Variants in RBM27 observed in about 807,000 individuals in gnomAD.
The protein encoded by RBM27 is RNA binding motif protein 27, also known as RNA-binding protein 27.
In RBM27, 22 loss-of-function variants were observed where a neutral mutation model predicts 135.3. That is an observed-to-expected ratio of 0.16 (90% CI 0.12 to 0.23). The LOEUF (loss-of-function observed/expected upper bound fraction) is 0.23. Ranked by LOEUF, RBM27 falls within the 10% of genes least tolerant of loss-of-function variation. The pLI, the probability that RBM27 is intolerant of heterozygous loss-of-function variation, is 1.00. For synonymous variants in RBM27, 481 were observed against 442.4 expected (o/e 1.09, Z -1.10); for missense variants, 1,009 against 1,281.0 (o/e 0.79, Z 3.24).
chr5:146,205,364 A>C (rs1035210753), intron 1 of RBM27, among the ~76,000 whole-genome samples: 2 of 150,520 alleles, frequency 1.3e-5, no homozygotes, highest in Non-Finnish European at 2.9e-5. Flanking sequence ...AAAGGGGTAG[A>C]AGAAGAGATG....
chr5:146,268,095 CATT>C (rs1758696531), intron 15 of RBM27, among the ~76,000 whole-genome samples: 1 of 151,830 alleles, frequency 6.6e-6, no homozygotes, highest in Non-Finnish European at 1.5e-5. Flanking sequence ...TTCTGAGTTT[CATT>C]GTCATCCTGT....
chr5:146,265,713 C>G (rs1246850867), intron 14 of RBM27, among the ~76,000 whole-genome samples: 1 of 152,150 alleles, frequency 6.6e-6, no homozygotes, highest in African/African-American at 2.4e-5. Flanking sequence ...AAAGAAAGCT[C>G]TTTCTAATCA....
chr5:146,286,530 AT>A lies in RBM27; in HGVS notation c.*515del, dbSNP rs1234594213. Reference sequence around the variant, plus strand: ...GAAAAATATGTTTATTTTAATTTTAATTTTTTTTTTTTTTTACTTTGGAGGA... The same window carrying A: ...GAAAAATATGTTTATTTTAATTTTAATTTTTTTTTTTTTTACTTTGGAGGA... On this transcript the variant is annotated 3_prime_UTR_variant, in exon 21 of 21. Coordinates refer to ENST00000265271, the MANE Select transcript of RBM27 (RefSeq NM_018989.2). The A allele has an allele frequency of 2.7e-3, 389 of 143,626 alleles. No homozygotes were observed. Among genetic ancestry groups the A allele is most frequent in the Non-Finnish European group, 2.8e-3 (185 of 64,968 alleles). 8.9% of individuals were successfully genotyped at this position (143,626 alleles called of 1,614,324 possible).
intron 15 of RBM27, among the ~76,000 whole-genome samples, chr5:146,268,123 G>T (rs1289650937): frequency 5.3e-5 from 8 of 151,714 alleles, no homozygotes; most frequent in Non-Finnish European, 1.5e-5. Context: ...TTCACATAGG[G>T]TTTTCCAAAT....
At chr5:146,268,936 G>C (rs1285214551) in intron 15 of RBM27, among the ~76,000 whole-genome samples, 1 of 152,156 alleles carries the variant, frequency 6.6e-6, no homozygotes, top group East Asian at 1.9e-4. Flanking sequence ...AAACAACTTT[G>C]GTTTTTCTTC....
At chr5:146,207,635 T>C (rs1016890222) in intron 1 of RBM27, among the ~76,000 whole-genome samples, 2 of 151,662 alleles carry the variant, frequency 1.3e-5, no homozygotes, top group African/African-American at 4.8e-5. Flanking sequence ...TAGTGAAACA[T>C]ATGCATGTAA....
chr5:146,224,318 T>A (rs1181920417), intron 3 of RBM27, among the ~76,000 whole-genome samples: 1 of 152,234 alleles, frequency 6.6e-6, no homozygotes, highest in African/African-American at 2.4e-5. Flanking sequence ...TATTTCCCAG[T>A]ATTTATTTTT....
At chr5:146,213,731 T>C (rs2126691349) in intron 1 of RBM27, among the ~76,000 whole-genome samples, 1 of 152,302 alleles carries the variant, frequency 6.6e-6, no homozygotes, top group Admixed American at 6.5e-5. Flanking sequence ...ATGTACTGGC[T>C]CAGCAGTTGT....
intron 6 of RBM27, among the ~76,000 whole-genome samples, chr5:146,232,966 C>T (rs1349680104): frequency 6.6e-6 from 1 of 152,148 alleles, no homozygotes; most frequent in Non-Finnish European, 1.5e-5. Flanking sequence ...TACAGTGCTA[C>T]AAGTGATAAC....
chr5:146,205,151 G>A (rs577741463), intron 1 of RBM27, among the ~76,000 whole-genome samples: 1 of 152,362 alleles, frequency 6.6e-6, no homozygotes, highest in South Asian at 2.1e-4. Flanking sequence ...GCTCGCCTTG[G>A]CCTCCCAAAG....
chr5:146,264,337 C>G (rs1001209888), intron 14 of RBM27, among the ~76,000 whole-genome samples: 2 of 151,940 alleles, frequency 1.3e-5, no homozygotes, highest in Non-Finnish European at 2.9e-5. Context: ...GCATGCGCCA[C>G]CATGCCCAGC....
intron 15 of RBM27, among the ~76,000 whole-genome samples, chr5:146,268,043 A>G (rs1758693148): frequency 6.6e-6 from 1 of 152,094 alleles, no homozygotes; most frequent in Admixed American, 6.6e-5. Context: ...AATGATTCAT[A>G]TAAAATATAA....
At chr5:146,208,402 A>G (rs1755796539) in intron 1 of RBM27, among the ~76,000 whole-genome samples, 1 of 152,228 alleles carries the variant, frequency 6.6e-6, no homozygotes, top group South Asian at 2.1e-4. Flanking sequence ...TAGAGGAAGG[A>G]CAGGAGGGAG....
At position 146,287,316 on chromosome 5, in the gene RBM27, G is replaced by T. The variant is rs1233778814; in HGVS notation, c.*1286G>T. On this transcript the variant is annotated 3_prime_UTR_variant, in exon 21 of 21. Transcript: ENST00000265271. ...TTTTTACTGTACACTGTATAGAGTA[G>T]AGTATCTGTTAAGTAAAATATATAT... 6.6e-6 allele frequency: 1 copy of T among 152,094 alleles called. No homozygotes were observed. The highest frequency in any genetic ancestry group is 2.4e-5 in the African/African-American group (1 of 41,384). The allele number at this position is 152,094 out of a possible 1,614,324, so 9.4% of individuals were successfully genotyped here. A position where few individuals can be genotyped will look rare whatever the true frequency, so the allele number is the denominator to read the frequency against.
Position 146,237,372 on chromosome 5 carries a change from T to G in RBM27, c.1219T>G (p.Ser407Ala). The G allele has an allele frequency of 6.2e-7, 1 of 1,613,988 alleles. No homozygotes were observed. Among genetic ancestry groups the G allele is most frequent in the Non-Finnish European group, 8.5e-7 (1 of 1,179,860 alleles). ...PGTSAVPNLA[S>A]VGTRLPPPLP... ...GACAAGTGCAGTGCCCAATCTTGCA[T>G]CAGTGGGAACAAGACTACCTCCTCC... Residue 407 changes from serine (S) to alanine (A), a missense_variant, in exon 8 of 21, where the codon TCA (serine) becomes GCA (alanine). Ser to Ala is a moderately conservative substitution (Grantham distance 99). Coordinates refer to ENST00000265271, the MANE Select transcript of RBM27 (RefSeq NM_018989.2).
intron 1 of RBM27, among the ~76,000 whole-genome samples, chr5:146,213,519 A>C (rs997096253): frequency 1.3e-5 from 2 of 152,220 alleles, no homozygotes; most frequent in African/African-American, 4.8e-5. Context: ...AGAGCACATT[A>C]AGATGGAACT....
intron 19 of RBM27, among the ~76,000 whole-genome samples, chr5:146,279,457 AAAC>A: frequency 6.6e-6 from 1 of 150,690 alleles, no homozygotes; most frequent in Non-Finnish European, 1.5e-5. Context: ...AAAAACAAAA[AAAC>A]AAAAAAAAAA....
intron 2 of RBM27, among the ~76,000 whole-genome samples, chr5:146,220,720 T>G (rs1429834153): frequency 1.3e-5 from 2 of 152,010 alleles, no homozygotes; most frequent in Non-Finnish European, 2.9e-5. Flanking sequence ...CTGACAGAAT[T>G]TTTTCCCAGT....
At chr5:146,263,091 C>G (rs1322612214) in intron 13 of RBM27, among the ~76,000 whole-genome samples, 1 of 152,002 alleles carries the variant, frequency 6.6e-6, no homozygotes, top group African/African-American at 2.4e-5. Context: ...ACCATGTTGG[C>G]CAGGCTGGTC....
Sources: allele counts gnomAD v4.1 joint callset (sites outside exome capture counted in the v4.1 genomes callset), GRCh38; gene constraint gnomAD v4.1.1; transcripts MANE v1.5; gene names NCBI Gene and HGNC (gene_info 2026-07-23, HGNC 2026-07-21).